PPP1R15B: variants seen among roughly 807,000 people sequenced by gnomAD.
PPP1R15B encodes the protein protein phosphatase 1 regulatory subunit 15B.
A neutral mutation model predicts 53.9 loss-of-function variants in PPP1R15B; 31 were observed. That is an observed-to-expected ratio of 0.58 (90% CI 0.43 to 0.78). PPP1R15B has a LOEUF of 0.78. Ranked by LOEUF, PPP1R15B falls within the 30% of genes least tolerant of loss-of-function variation. PPP1R15B has a pLI of 0.00. For synonymous variants in PPP1R15B, 345 were observed against 329.1 expected (o/e 1.05, Z -0.52); for missense variants, 928 against 849.6 (o/e 1.09, Z -1.15).
rs562968888 is a variant in PPP1R15B at position 204,411,767 on chromosome 1, A to G, written c.-356T>C. 301 of 307,242 alleles carry G rather than the reference A, an allele frequency of 9.8e-4. 4 individuals carry two copies. Among genetic ancestry groups the G allele is most frequent in the Non-Finnish European group, 6.0e-4 (97 of 162,282 alleles). 19.0% of individuals were successfully genotyped at this position (307,242 alleles called of 1,614,324 possible). On this transcript the variant is annotated 5_prime_UTR_variant, in exon 1 of 2. Transcript: ENST00000367188. ...TTGAAAAGCCCCTGAGCAACGCGAT[A>G]CCGGAAGGACTGGGTAGGCCGGCTG... is the stretch of plus-strand genomic sequence containing the variant.
At position 204,410,829 on chromosome 1, in the gene PPP1R15B, A is replaced by G. The variant is rs367802163; in HGVS notation, c.583T>C (p.Tyr195His). 1.3e-5 allele frequency: 21 copies of G among 1,614,248 alleles called. No homozygotes were observed. In the African/African-American group the frequency reaches 1.9e-4, roughly 14 times the overall value. ...GAAGAGCCAAGTTCCCGGTTAGAGTACAGACGGGATTGAAGGCTACTGGGC... is the reference window on the plus strand; with the variant it reads ...GAAGAGCCAAGTTCCCGGTTAGAGTGCAGACGGGATTGAAGGCTACTGGGC... ...LLPSSLQSRL[Y>H]SNRELGSSPS... The change falls in exon 1 of 2, where the codon TAC becomes CAC. Residue 195 changes from tyrosine to histidine, a missense_variant. Physicochemically the swap from Tyr to His is moderately conservative, Grantham distance 83. Transcript: ENST00000367188.
chr1:204,408,238 C>G (rs1215305568), intron 1 of PPP1R15B, among the ~76,000 whole-genome samples: 1 of 152,234 alleles, frequency 6.6e-6, no homozygotes, highest in Non-Finnish European at 1.5e-5. Flanking sequence ...GTAGAGAACA[C>G]AGGGCTCCAG....
chr1:204,407,179 T>G (rs1674280533), intron 1 of PPP1R15B, among the ~76,000 whole-genome samples: 1 of 152,202 alleles, frequency 6.6e-6, no homozygotes, highest in Non-Finnish European at 1.5e-5. Context: ...TTTCCAACTT[T>G]TAAATCAACA....
chr1:204,399,843 T>C (rs1674147908), downstream of PPP1R15B, among the ~76,000 whole-genome samples: 1 of 152,202 alleles, frequency 6.6e-6, no homozygotes. Flanking sequence ...AACTAGTCTT[T>C]CATGATAAAA....
downstream of PPP1R15B, among the ~76,000 whole-genome samples, chr1:204,399,238 C>T (rs1390608710): frequency 6.6e-6 from 1 of 152,006 alleles, no homozygotes; most frequent in African/African-American, 2.4e-5. Context: ...ATATGGGCAA[C>T]ATAGCCAGAC....
chr1:204,410,546 C>T lies in PPP1R15B; in HGVS notation c.866G>A (p.Gly289Asp). 1 of 1,614,056 alleles carries T rather than the reference C, an allele frequency of 6.2e-7. No homozygotes were observed. The highest frequency in any genetic ancestry group is 8.5e-7 in the Non-Finnish European group (1 of 1,179,980). The stretch of plus-strand genomic sequence containing the variant: ...GCGAAGATGGTGAATTTCTGGTAGG[C>T]CTTCCGTAGAAAGAGGTGGACATCC... ...WQGCPPLSTE[G>D]LPEIHHLRMK... Residue 289 changes from glycine (G) to aspartate (D), a missense_variant, in exon 1 of 2, where the codon GGC (glycine) becomes GAC (aspartate). Coordinates refer to ENST00000367188, the MANE Select transcript of PPP1R15B (RefSeq NM_032833.5).
chr1:204,402,770 C>T (rs1368793881), downstream of PPP1R15B, among the ~76,000 whole-genome samples: 2 of 150,900 alleles, frequency 1.3e-5, no homozygotes, highest in Non-Finnish European at 3.0e-5. Context: ...CCATGATTAT[C>T]GTGATTAGTA....
At chr1:204,399,359 G>C (rs1419054946), downstream of PPP1R15B, among the ~76,000 whole-genome samples, 1 of 152,106 alleles carries the variant, frequency 6.6e-6, no homozygotes, top group African/African-American at 2.4e-5. Context: ...CCAAGAGTTC[G>C]AGACCAGCCT....
At position 204,406,250 on chromosome 1, in the gene PPP1R15B, A is replaced by G; in HGVS notation, c.1984T>C (p.Trp662Arg). 6.2e-7 allele frequency: 1 copy of G among 1,614,180 alleles called. No individual in the cohort carries two copies. The highest frequency in any genetic ancestry group is 8.5e-7 in the Non-Finnish European group (1 of 1,180,028). The change falls in exon 2 of 2, where the codon TGG becomes CGG. Residue 662 changes from tryptophan (W) to arginine (R), a missense_variant. Trp to Arg is a moderately radical substitution (Grantham distance 101). Coordinates refer to ENST00000367188, the MANE Select transcript of PPP1R15B (RefSeq NM_032833.5). ...CATCCATCCCTTGCAAATTCTTCCC[A>G]TGGTCCTTTGCGATCCTCATCACCA... is the stretch of plus-strand genomic sequence containing the variant. ...ISGDEDRKGP[W>R]EEFARDGCRF...
At chr1:204,400,651 A>G (rs1674166010), downstream of PPP1R15B, 1 of 591,022 alleles carries the variant, frequency 1.7e-6, no homozygotes, top group African/African-American at 2.0e-5. Flanking sequence ...ATAAATATTT[A>G]CCCAACATTT....
rs1674365072 is a variant in PPP1R15B, at chr1:204,411,058, G to A, written c.354C>T (p.Pro118=). Residue 118 remains proline, a synonymous_variant, in exon 1 of 2, where the codon CCC becomes CCT. Transcript: ENST00000367188. The stretch of plus-strand genomic sequence containing the variant: ...GCGAACTCAAAGATTTCTGCGCTGT[G>A]GGGGCGGCTGGTTTCTCCCGTCCCT... The part of the protein sequence containing the change: ...ALKGREKPAA[P]TAQKSLSSLQ... 6.2e-7 allele frequency: 1 copy of A among 1,614,082 alleles called. No homozygotes were observed. Among genetic ancestry groups the A allele is most frequent in the South Asian group, 1.1e-5 (1 of 91,088 alleles).
At chr1:204,395,892 ATATGTT>A (rs1381509746), downstream of PPP1R15B, among the ~76,000 whole-genome samples, 2 of 152,342 alleles carry the variant, frequency 1.3e-5, no homozygotes, top group African/African-American at 4.8e-5. Context: ...TTATATATGT[ATATGTT>A]TATATGTTTA....
chr1:204,409,343 C>T (rs1674317884), intron 1 of PPP1R15B, 149 bp downstream of exon 1: 1 of 845,380 alleles, frequency 1.2e-6, no homozygotes, highest in Non-Finnish European at 1.8e-6. Context: ...GGAGAAGGGT[C>T]ATTTACATAT....
Position 204,409,953 on chromosome 1 carries a change from A to G in PPP1R15B, c.1459T>C (p.Tyr487His). 6.2e-7 allele frequency: 1 copy of G among 1,600,956 alleles called. No individual in the cohort carries two copies. Among genetic ancestry groups the G allele is most frequent in the Non-Finnish European group, 8.5e-7 (1 of 1,174,114 alleles). ...LWNSFCSVDP[Y>H]NPQNFTATIQ... ...GTTGCTGTAAAGTTCTGGGGATTAT[A>G]AGGATCTACACTGCAGAAAGAGTTC... The change falls in exon 1 of 2, where the codon TAT becomes CAT. Residue 487 changes from tyrosine to histidine, a missense_variant. Transcript: ENST00000367188.
chr1:204,405,990 CT>C lies in PPP1R15B; in HGVS notation c.*101del. The C allele has an allele frequency of 6.7e-7, 1 of 1,486,736 alleles. No individual in the cohort carries two copies. The highest frequency in any genetic ancestry group is 8.9e-7 in the Non-Finnish European group (1 of 1,123,296). 92.1% of individuals were successfully genotyped at this position (1,486,736 alleles called of 1,614,324 possible). A position where few individuals can be genotyped will look rare whatever the true frequency, so the allele number is the denominator to read the frequency against. ...AAACTAGATCCAAGTTACATTTCCT[CT>C]AAAAAAAAAAATGTCAAAGGACAGC... On this transcript the variant is annotated 3_prime_UTR_variant, in exon 2 of 2. Transcript: ENST00000367188.
chr1:204,401,475 GAAATT>G (rs1231654440), downstream of PPP1R15B, among the ~76,000 whole-genome samples: 1 of 152,086 alleles, frequency 6.6e-6, no homozygotes, highest in Admixed American at 6.5e-5. Context: ...CAGATAAAAG[GAAATT>G]AAGTCTCTCA....
chr1:204,396,885 T>C (rs575687435), downstream of PPP1R15B, among the ~76,000 whole-genome samples: 2 of 152,264 alleles, frequency 1.3e-5, no homozygotes, highest in East Asian at 3.9e-4. Context: ...CCATAGTCAA[T>C]AACAATGTAT....
chr1:204,402,244 C>A (rs2103440875), downstream of PPP1R15B, among the ~76,000 whole-genome samples: 1 of 152,260 alleles, frequency 6.6e-6, no homozygotes, highest in Non-Finnish European at 1.5e-5. Context: ...TCTTCATTAT[C>A]CTTTCATCTT....
chr1:204,410,289 C>T lies in PPP1R15B; in HGVS notation c.1123G>A (p.Ala375Thr). 1.9e-6 allele frequency: 3 copies of T among 1,614,150 alleles called. No individual in the cohort carries two copies. The highest frequency in any genetic ancestry group is 2.5e-6 in the Non-Finnish European group (3 of 1,180,022). ...TCAGAAGGGCTCTCTTCTTCCAAAG[C>T]AAGTGGAACCTCTGTAGTTAATAAT... Reference protein sequence around the residue: ...IELLTTEVPLALEEESPSEGC... With the variant: ...IELLTTEVPLTLEEESPSEGC... The change falls in exon 1 of 2, where the codon GCT (alanine) becomes ACT (threonine). Residue 375 changes from alanine to threonine, a missense_variant. Physicochemically the swap from Ala to Thr is moderately conservative, Grantham distance 58. Transcript: ENST00000367188.
Sources: allele counts gnomAD v4.1 joint callset (sites outside exome capture counted in the v4.1 genomes callset), GRCh38; gene constraint gnomAD v4.1.1; transcripts MANE v1.5; gene names NCBI Gene and HGNC (gene_info 2026-07-23, HGNC 2026-07-21).